Variants in FTO observed in about 807,000 individuals in gnomAD.
FTO encodes the protein FTO alpha-ketoglutarate dependent dioxygenase, also known as alpha-ketoglutarate-dependent dioxygenase FTO.
Under a neutral mutation model 63.9 loss-of-function variants are expected in FTO, and 47 were observed. The observed-to-expected ratio is 0.74, with a 90% CI of 0.58 to 0.94. The LOEUF (loss-of-function observed/expected upper bound fraction) is 0.94, where lower values mean the gene tolerates loss of function less well. Among genes scored for constraint, FTO ranks in the 40% least tolerant of loss-of-function variants. FTO has a pLI of 0.00. For synonymous variants in FTO, 207 were observed against 224.4 expected, an observed-to-expected ratio of 0.92 and a Z score of 0.69; for missense variants, 562 against 618.1, an observed-to-expected ratio of 0.91 and a Z score of 0.96.
intron 7 of FTO, among the ~76,000 whole-genome samples, chr16:53,929,928 G>A (rs534699037): frequency 3.3e-5 from 5 of 152,338 alleles, no homozygotes; most frequent in Admixed American, 1.3e-4. Context: ...CACCCACAAT[G>A]TGAGATGTGG....
chr16:53,933,611 T>C (rs1945441210), intron 7 of FTO, among the ~76,000 whole-genome samples: 1 of 152,182 alleles, frequency 6.6e-6, no homozygotes, highest in Admixed American at 6.5e-5. Flanking sequence ...CAGAGGCTGC[T>C]CTTTTTTAAA....
chr16:53,839,808 T>G, intron 3 of FTO, among the ~76,000 whole-genome samples: 1 of 55,918 alleles, frequency 1.8e-5, no homozygotes, highest in East Asian at 1.8e-3. Context: ...TATTTATTTA[T>G]TTATTTATTT....
chr16:53,980,180 A>G (rs2083511556), intron 8 of FTO, among the ~76,000 whole-genome samples: 1 of 152,132 alleles, frequency 6.6e-6, no homozygotes, highest in African/African-American at 2.4e-5. Flanking sequence ...GCTCTTTTCT[A>G]TTATGTCTTC....
intron 8 of FTO, among the ~76,000 whole-genome samples, chr16:53,984,641 G>C (rs2083624583): frequency 6.6e-6 from 1 of 152,078 alleles, no homozygotes; most frequent in Non-Finnish European, 1.5e-5. Flanking sequence ...ACTTTTTAAA[G>C]TACATTGTGA....
chr16:53,844,515 A>G (rs1180959221), intron 4 of FTO, among the ~76,000 whole-genome samples: 1 of 152,136 alleles, frequency 6.6e-6, no homozygotes, highest in African/African-American at 2.4e-5. Context: ...GCTGGAGTGC[A>G]GTGGCACAAT....
rs1431350447 is a variant in FTO at position 53,880,923 on chromosome 16, A to T, written c.1119+936A>T. On this transcript the variant is annotated intron_variant, in intron 6 of 8. Transcript: ENST00000471389. Reference sequence around the variant, plus strand: ...GAGACCATCCTGGCTAACACAGTGAAACCCCGTCTCTACTAAAAAAAAAAA... The same window carrying T: ...GAGACCATCCTGGCTAACACAGTGATACCCCGTCTCTACTAAAAAAAAAAA... Among the ~76,000 whole-genome samples, 3 of 143,892 alleles carry T rather than the reference A, an allele frequency of 2.1e-5. No individual in the cohort carries two copies. In the East Asian group the frequency reaches 6.1e-4, roughly 29 times the overall value. The allele number at this position is 143,892 out of a possible 152,430, so 94.4% of individuals were successfully genotyped here.
At chr16:53,779,370 A>G (rs2077534215) in intron 1 of FTO, among the ~76,000 whole-genome samples, 1 of 152,024 alleles carries the variant, frequency 6.6e-6, no homozygotes, top group Non-Finnish European at 1.5e-5. Context: ...AGAGGAGGAG[A>G]TTGTGTAACT....
At chr16:53,754,888 CAG>C (rs2076882763) in intron 1 of FTO, among the ~76,000 whole-genome samples, 2 of 152,202 alleles carry the variant, frequency 1.3e-5, no homozygotes, top group African/African-American at 4.8e-5. Flanking sequence ...AGCAACTTAA[CAG>C]ATCGTATGAC....
chr16:53,738,409 A>G (rs1324839121), intron 1 of FTO, among the ~76,000 whole-genome samples: 1 of 152,134 alleles, frequency 6.6e-6, no homozygotes, highest in South Asian at 2.1e-4. Context: ...CCCAAAGTGC[A>G]CGGATTACAG....
In FTO at chr16:54,117,646, A is replaced by G. The variant is rs1467205479; in HGVS notation, c.*5731A>G. 1.3e-5 allele frequency: 2 copies of G among 152,158 alleles called. No individual in the cohort carries two copies. Among genetic ancestry groups the G allele is most frequent in the African/African-American group, 4.8e-5 (2 of 41,434 alleles). The allele number at this position is 152,158 out of a possible 1,614,324, so 9.4% of individuals were successfully genotyped here. ...ATCCCATTTGCTCTTCACAGCTTCC[A>G]TTTTTCGCTAGGCGGATGGCATGGA... On this transcript the variant is annotated 3_prime_UTR_variant, in exon 9 of 9. Transcript: ENST00000471389.
chr16:53,943,307 T>G (rs2082577293), intron 8 of FTO, among the ~76,000 whole-genome samples: 1 of 152,232 alleles, frequency 6.6e-6, no homozygotes, highest in South Asian at 2.1e-4. Flanking sequence ...CTGTCATTAT[T>G]TGAACAGTTT....
intron 1 of FTO, among the ~76,000 whole-genome samples, chr16:53,756,276 A>G (rs890306628): frequency 1.3e-5 from 2 of 152,210 alleles, no homozygotes; most frequent in Non-Finnish European, 2.9e-5. Context: ...GGCCTTCTGT[A>G]ATAGGTCAGG....
At chr16:53,788,624 A>T (rs1344350128) in intron 1 of FTO, among the ~76,000 whole-genome samples, 1 of 144,058 alleles carries the variant, frequency 6.9e-6, no homozygotes, top group African/African-American at 2.6e-5. Context: ...AAAAAAAAAA[A>T]TTGACCTTTT....
At chr16:53,785,684 G>A (rs182211166) in intron 1 of FTO, among the ~76,000 whole-genome samples, 8 of 152,190 alleles carry the variant, frequency 5.3e-5, no homozygotes, top group African/African-American at 1.9e-4. Context: ...GGATGAGGCG[G>A]GTGGATCATG....
At chr16:53,809,134 CTTTG>C (rs1174411637) in intron 1 of FTO, among the ~76,000 whole-genome samples, 1 of 152,132 alleles carries the variant, frequency 6.6e-6, no homozygotes, top group African/African-American at 2.4e-5. Context: ...CTTTCAGTTA[CTTTG>C]TTTGAATAGC....
At chr16:54,006,621 C>A (rs1463985923) in intron 8 of FTO, among the ~76,000 whole-genome samples, 3 of 152,132 alleles carry the variant, frequency 2.0e-5, no homozygotes, top group Non-Finnish European at 4.4e-5. Flanking sequence ...CCCAACTGGC[C>A]CAATTGCACC....
intron 1 of FTO, among the ~76,000 whole-genome samples, chr16:53,755,888 C>T (rs929120111): frequency 3.9e-5 from 6 of 152,092 alleles, no homozygotes; most frequent in Admixed American, 2.0e-4. Flanking sequence ...TAAAAGGGGC[C>T]GGGCCTCTGA....
intron 8 of FTO, among the ~76,000 whole-genome samples, chr16:54,081,237 T>G (rs776885615): frequency 6.6e-6 from 1 of 152,168 alleles, no homozygotes; most frequent in Non-Finnish European, 1.5e-5. Context: ...TGGAAAGTGA[T>G]ACGAGAACAG....
chr16:53,835,430 C>T (rs1448368493), intron 3 of FTO, among the ~76,000 whole-genome samples: 3 of 152,158 alleles, frequency 2.0e-5, no homozygotes, highest in Non-Finnish European at 4.4e-5. Context: ...TAAATGTCTT[C>T]AATCATCTTT....
Sources: gnomAD v4.1 joint callset for allele counts (sites outside exome capture counted in the v4.1 genomes callset) on GRCh38, gnomAD v4.1.1 for gene constraint, MANE v1.5 for transcripts, NCBI Gene and HGNC (gene_info 2026-07-23, HGNC 2026-07-21) for gene names.